MAP4K3: variants seen among roughly 807,000 people sequenced by gnomAD.
MAP4K3 encodes the protein MAPK/ERK kinase kinase kinase 3.
MAP4K3 carries 94 observed loss-of-function variants against 143.5 expected under a neutral mutation model. The ratio of observed to expected loss-of-function variants is 0.65; its 90% confidence interval spans 0.55 to 0.78. The LOEUF is 0.78. MAP4K3 is among the 30% of genes least tolerant of loss of function. The pLI is 0.00. For missense variants in MAP4K3, 1,077 were observed against 1,068.1 expected (o/e 1.01, Z -0.12); for synonymous variants, 416 against 347.2 (o/e 1.20, Z -2.20).
chr2:39,311,195 G>A (rs1024358810), intron 13 of MAP4K3, among the ~76,000 whole-genome samples: 3 of 152,080 alleles, frequency 2.0e-5, no homozygotes, highest in South Asian at 4.2e-4. Flanking sequence ...CTCGTGCCTC[G>A]ACCTCCTGAG....
intron 22 of MAP4K3, among the ~76,000 whole-genome samples, chr2:39,281,367 T>C (rs543185617): frequency 3.3e-5 from 5 of 152,254 alleles, no homozygotes; most frequent in African/African-American, 1.2e-4. Flanking sequence ...AAACAATATA[T>C]CTTTAAAGAC....
intron 12 of MAP4K3, among the ~76,000 whole-genome samples, chr2:39,321,549 A>G (rs1451080114): frequency 6.6e-6 from 1 of 152,130 alleles, no homozygotes; most frequent in Admixed American, 6.5e-5. Flanking sequence ...GGGAAGGGGA[A>G]GACCTGACCG....
chr2:39,261,573 A>C (rs1029406719), intron 28 of MAP4K3, among the ~76,000 whole-genome samples: 1 of 152,210 alleles, frequency 6.6e-6, no homozygotes, highest in African/African-American at 2.4e-5. Context: ...AGTTAACTGC[A>C]TTATTTATTA....
At chr2:39,371,032 A>C (rs1349442357) in intron 2 of MAP4K3, among the ~76,000 whole-genome samples, 1 of 151,916 alleles carries the variant, frequency 6.6e-6, no homozygotes, top group Non-Finnish European at 1.5e-5. Flanking sequence ...TTTTTTTCCC[A>C]AATAAGTCTC....
At chr2:39,305,977 T>C (rs1015068826) in intron 15 of MAP4K3, among the ~76,000 whole-genome samples, 7 of 152,178 alleles carry the variant, frequency 4.6e-5, no homozygotes, top group Non-Finnish European at 1.0e-4. Flanking sequence ...TACAGGCACA[T>C]GCCACCATGC....
At chr2:39,414,689 C>A (rs993958764) in intron 1 of MAP4K3, among the ~76,000 whole-genome samples, 2 of 152,120 alleles carry the variant, frequency 1.3e-5, no homozygotes, top group African/African-American at 4.8e-5. Context: ...TCCTGGCTAA[C>A]ACGGTGAAAC....
At chr2:39,255,522 G>A (rs1206621401) in intron 31 of MAP4K3, among the ~76,000 whole-genome samples, 2 of 151,990 alleles carry the variant, frequency 1.3e-5, no homozygotes, top group Non-Finnish European at 2.9e-5. Flanking sequence ...GTCTATTTCT[G>A]GGCCTTTTCT....
intron 28 of MAP4K3, among the ~76,000 whole-genome samples, chr2:39,263,603 G>A (rs987368941): frequency 6.6e-6 from 1 of 152,102 alleles, no homozygotes; most frequent in African/African-American, 2.4e-5. Flanking sequence ...GACGCAGAGA[G>A]ACACGGAAAG....
chr2:39,277,181 C>G (rs1681297385), intron 24 of MAP4K3, among the ~76,000 whole-genome samples: 1 of 152,226 alleles, frequency 6.6e-6, no homozygotes, highest in South Asian at 2.1e-4. Context: ...ACACCAAGCT[C>G]TGGTGTTTGG....
intron 13 of MAP4K3, among the ~76,000 whole-genome samples, chr2:39,311,741 G>T (rs1682944262): frequency 6.6e-6 from 1 of 152,220 alleles, no homozygotes; most frequent in South Asian, 2.1e-4. Context: ...GATGACTCCA[G>T]CCCTAGCTGA....
At chr2:39,430,728 T>G (rs1665258842) in intron 1 of MAP4K3, among the ~76,000 whole-genome samples, 1 of 152,236 alleles carries the variant, frequency 6.6e-6, no homozygotes, top group South Asian at 2.1e-4. Flanking sequence ...TATCTTCATA[T>G]GCATATAACA....
intron 1 of MAP4K3, among the ~76,000 whole-genome samples, chr2:39,422,647 G>C (rs1667578980): frequency 6.6e-6 from 1 of 152,150 alleles, no homozygotes; most frequent in Non-Finnish European, 1.5e-5. Flanking sequence ...AAGAAGCAAA[G>C]GTGATCCAAT....
intron 19 of MAP4K3, among the ~76,000 whole-genome samples, 179 bp downstream of exon 19, chr2:39,290,112 AC>A (rs1681976603): frequency 1.3e-5 from 2 of 148,798 alleles, no homozygotes; most frequent in Non-Finnish European, 3.0e-5. Context: ...AAAAAAGAAC[AC>A]TAAATATAAG....
Position 39,315,177 on chromosome 2 carries a change from C to T in MAP4K3, c.997+133G>A, listed in dbSNP as rs1573137535. 4 of 549,404 alleles carry T rather than the reference C, an allele frequency of 7.3e-6. No individual in the cohort carries two copies. In the Admixed American group the frequency reaches 1.5e-4, roughly 20 times the overall value. 34.0% of individuals were successfully genotyped at this position (549,404 alleles called of 1,614,324 possible). A position where few individuals can be genotyped will look rare whatever the true frequency, so the allele number is the denominator to read the frequency against. On this transcript the variant is annotated intron_variant, in intron 13 of 33. Coordinates refer to ENST00000263881, the MANE Select transcript of MAP4K3 (RefSeq NM_003618.4). ...TAAGGAAAATGAAATTCTTACTGCC[C>T]TAATTAAACTTTACCTTTAACAGTG...
chr2:39,437,002 GC>G lies in MAP4K3; in HGVS notation c.-16del, dbSNP rs750274519. The G allele has an allele frequency of 1.4e-5, 22 of 1,604,526 alleles. No individual in the cohort carries two copies. In the East Asian group the frequency reaches 2.5e-4, roughly 18 times the overall value. On this transcript the variant is annotated 5_prime_UTR_variant, in exon 1 of 34. Coordinates refer to ENST00000263881, the MANE Select transcript of MAP4K3 (RefSeq NM_003618.4). Reference sequence around the variant, plus strand: ...CCGGGGTTCATGGCGGGCCCCAGGTGCCCCCCGCCTCCCTCCCGGGCAGGGG... The same window carrying G: ...CCGGGGTTCATGGCGGGCCCCAGGTGCCCCCGCCTCCCTCCCGGGCAGGGG...
intron 2 of MAP4K3, among the ~76,000 whole-genome samples, 162 bp downstream of exon 2, chr2:39,377,904 T>C (rs910438512): frequency 6.6e-6 from 1 of 152,152 alleles, no homozygotes; most frequent in Admixed American, 6.6e-5. Flanking sequence ...AGGTGTGTTG[T>C]ATGCAGAACT....
intron 1 of MAP4K3, among the ~76,000 whole-genome samples, chr2:39,384,559 G>C (rs1290193804): frequency 6.6e-6 from 1 of 152,022 alleles, no homozygotes; most frequent in African/African-American, 2.4e-5. Context: ...AACAACAACA[G>C]CAACAAAACA....
intron 5 of MAP4K3, among the ~76,000 whole-genome samples, chr2:39,337,212 T>A (rs923759842): frequency 1.3e-5 from 2 of 152,144 alleles, no homozygotes; most frequent in African/African-American, 4.8e-5. Flanking sequence ...AGTATATACC[T>A]AATTAGTATC....
intron 1 of MAP4K3, among the ~76,000 whole-genome samples, chr2:39,415,984 T>TATATATATATATATATATATATATATAC (rs1667364873): frequency 3.3e-5 from 1 of 30,006 alleles, no homozygotes; most frequent in Non-Finnish European, 7.4e-5. Flanking sequence ...AAAAAAAATA[T>TATATATATATATATATATATATATATAC]ATATATATAT....
Sources: allele counts gnomAD v4.1 joint callset (sites outside exome capture counted in the v4.1 genomes callset), GRCh38; gene constraint gnomAD v4.1.1; transcripts MANE v1.5; gene names NCBI Gene and HGNC (gene_info 2026-07-23, HGNC 2026-07-21).